PTPRD: variants seen among roughly 807,000 people sequenced by gnomAD.
PTPRD encodes the protein protein tyrosine phosphatase receptor type D, also known as receptor-type tyrosine-protein phosphatase delta.
PTPRD carries 34 observed loss-of-function variants against 214.5 expected under a neutral mutation model. The observed-to-expected ratio is 0.16, with a 90% CI of 0.12 to 0.21. The LOEUF is 0.21. Among genes scored for constraint, PTPRD ranks in the 10% least tolerant of loss-of-function variants. PTPRD has a pLI of 1.00. For missense variants in PTPRD, 2,545 were observed against 2,398.7 expected (o/e 1.06, Z -1.27); for synonymous variants, 1,128 against 845.7 (o/e 1.33, Z -5.79).
chr9:9,558,120 GCTCT>G (rs1393185698), intron 8 of PTPRD, among the ~76,000 whole-genome samples: 3 of 152,046 alleles, frequency 2.0e-5, no homozygotes, highest in Admixed American at 6.6e-5. Flanking sequence ...GACAGCTTTG[GCTCT>G]CTCTGTCTTT....
chr9:10,523,541 C>A (rs2053090956), intron 2 of PTPRD, among the ~76,000 whole-genome samples: 1 of 142,304 alleles, frequency 7.0e-6, no homozygotes, highest in Non-Finnish European at 1.5e-5. Flanking sequence ...GCAGGTAGAA[C>A]TGTAAGAAAA....
chr9:9,315,258 C>T (rs979601045), intron 9 of PTPRD, among the ~76,000 whole-genome samples: 2 of 151,778 alleles, frequency 1.3e-5, no homozygotes, highest in African/African-American at 4.8e-5. Flanking sequence ...GAAGTATTTT[C>T]TCGTATTTGA....
At chr9:8,707,295 G>A (rs2098230296) in intron 12 of PTPRD, among the ~76,000 whole-genome samples, 2 of 152,198 alleles carry the variant, frequency 1.3e-5, no homozygotes, top group South Asian at 2.1e-4. Context: ...TTACCTGGAT[G>A]GGCAATGGAT....
At chr9:8,339,188 G>A in intron 42 of PTPRD, 141 bp from the exon 43 acceptor site, 1 of 847,536 alleles carries the variant, frequency 1.2e-6, no homozygotes, top group Non-Finnish European at 1.7e-6. Flanking sequence ...AATTGCATAT[G>A]ACTCATTTCC....
chr9:9,946,122 C>T (rs1220382528), intron 4 of PTPRD, among the ~76,000 whole-genome samples: 1 of 151,996 alleles, frequency 6.6e-6, no homozygotes, highest in African/African-American at 2.4e-5. Flanking sequence ...TTAAATCTGC[C>T]ATGCATACTA....
chr9:10,326,926 G>A (rs961290270), intron 3 of PTPRD, among the ~76,000 whole-genome samples: 1 of 151,190 alleles, frequency 6.6e-6, no homozygotes, highest in African/African-American at 2.4e-5. Flanking sequence ...GAATACAATA[G>A]AACTATGAGA....
chr9:9,275,179 ATATGTTATATATATATATAT>A (rs1944968914), intron 9 of PTPRD, among the ~76,000 whole-genome samples: 1 of 24,418 alleles, frequency 4.1e-5, no homozygotes, highest in Non-Finnish European at 7.7e-5. Flanking sequence ...TATATAATAT[ATATGTTATATATATATATAT>A]TATATATATA....
chr9:9,602,321 G>GA (rs759194860), intron 7 of PTPRD, among the ~76,000 whole-genome samples: 2 of 151,838 alleles, frequency 1.3e-5, no homozygotes, highest in East Asian at 3.9e-4. Context: ...AATGAACTTG[G>GA]AAATATTTAA....
At chr9:8,589,059 C>T (rs1455524876) in intron 14 of PTPRD, among the ~76,000 whole-genome samples, 1 of 152,136 alleles carries the variant, frequency 6.6e-6, no homozygotes, top group Non-Finnish European at 1.5e-5. Flanking sequence ...AATAGGAAAG[C>T]TCTATAGAAA....
At chr9:8,525,767 CT>C (rs1235390213) in intron 17 of PTPRD, among the ~76,000 whole-genome samples, 1 of 152,046 alleles carries the variant, frequency 6.6e-6, no homozygotes, top group African/African-American at 2.4e-5. Flanking sequence ...GATGGATCCC[CT>C]AAGACACCCA....
rs769474233 is a variant in PTPRD at position 8,707,633 on chromosome 9, T to C, written c.64+26147A>G. Among the ~76,000 whole-genome samples the C allele has an allele frequency of 4.7e-4, 72 of 152,324 alleles. 1 individual carries two copies. In the Middle Eastern group the frequency reaches 0.014, roughly 29 times the overall value. On this transcript the variant is annotated intron_variant, in intron 12 of 45. Coordinates refer to ENST00000381196, the MANE Select transcript of PTPRD (RefSeq NM_002839.4). ...AGTTCTAGTTTTTCCTTTCCATCTG[T>C]TACATCTACTTTGAAATTTAAGGCT...
chr9:9,531,849 T>G (rs1362716372), intron 8 of PTPRD, among the ~76,000 whole-genome samples: 1 of 152,124 alleles, frequency 6.6e-6, no homozygotes, highest in Non-Finnish European at 1.5e-5. Context: ...GTGTTCTTTG[T>G]TGTATTGATA....
At chr9:8,764,792 AAAT>A (rs1379977816) in intron 11 of PTPRD, among the ~76,000 whole-genome samples, 6 of 127,146 alleles carry the variant, frequency 4.7e-5, no homozygotes, top group Admixed American at 9.2e-5. Context: ...GTTTGTCTCA[AAAT>A]AATAATAATA....
intron 14 of PTPRD, among the ~76,000 whole-genome samples, chr9:8,536,192 T>C (rs924118048): frequency 3.9e-5 from 6 of 151,968 alleles, no homozygotes; most frequent in East Asian, 1.9e-4. Flanking sequence ...GTTTCCTCTA[T>C]GCAAATTGCT....
At chr9:8,318,414 G>C (rs1409600403) in intron 45 of PTPRD, among the ~76,000 whole-genome samples, 1 of 152,006 alleles carries the variant, frequency 6.6e-6, no homozygotes, top group Non-Finnish European at 1.5e-5. Context: ...CTTATCTTCT[G>C]AACTACTGCC....
intron 2 of PTPRD, among the ~76,000 whole-genome samples, chr9:10,429,944 A>G (rs2098661807): frequency 6.6e-6 from 1 of 152,036 alleles, no homozygotes; most frequent in South Asian, 2.1e-4. Context: ...TAAAAGGCAC[A>G]ATTTAAACCA....
rs1045531399 is a variant in PTPRD at position 10,506,417 on chromosome 9, G to A, written c.-600+105981C>T. ...CATCAGTTTTTCCATTAATGTACTT[G>A]TATTCAAAATCATGATTTCGACTAA... On this transcript the variant is annotated intron_variant, in intron 2 of 45. Transcript: ENST00000381196. Among the ~76,000 whole-genome samples, 11 of 151,974 alleles carry A rather than the reference G, an allele frequency of 7.2e-5. No homozygotes were observed. In the South Asian group the frequency reaches 1.5e-3, roughly 20 times the overall value.
chr9:9,534,780 T>C (rs2076187433), intron 8 of PTPRD, among the ~76,000 whole-genome samples: 1 of 145,678 alleles, frequency 6.9e-6, no homozygotes, highest in East Asian at 2.0e-4. Context: ...CTTTTAGTTA[T>C]CTATGTCCTT....
At chr9:10,135,324 AGTTT>A (rs1188962489) in intron 3 of PTPRD, among the ~76,000 whole-genome samples, 1 of 152,166 alleles carries the variant, frequency 6.6e-6, no homozygotes, top group African/African-American at 2.4e-5. Context: ...AGTCCATACA[AGTTT>A]TCCCAATCTC....
Sources: allele counts gnomAD v4.1 joint callset (sites outside exome capture counted in the v4.1 genomes callset), GRCh38; gene constraint gnomAD v4.1.1; transcripts MANE v1.5; gene names NCBI Gene and HGNC (gene_info 2026-07-23, HGNC 2026-07-21).